The following GPC6 variants were observed in gnomAD, a reference collection of about 807,000 sequenced individuals.
GPC6 encodes glypican 6, also known as glypican-6.
Under a neutral mutation model 55.2 loss-of-function variants are expected in GPC6, and 14 were observed. The ratio of observed to expected loss-of-function variants is 0.25; its 90% confidence interval spans 0.17 to 0.40. The LOEUF (loss-of-function observed/expected upper bound fraction) is 0.40. GPC6 is among the 10% of genes least tolerant of loss of function. The probability of loss-of-function intolerance (pLI) is 1.00; values close to 1 mark genes in which losing one functional copy is unlikely to be tolerated. For missense variants in GPC6, 641 were observed against 708.5 expected, an observed-to-expected ratio of 0.90 and a Z score of 1.08; for synonymous variants, 278 against 259.6, an observed-to-expected ratio of 1.07 and a Z score of -0.68.
chr13:93,738,254 T>G (rs532376944), intron 2 of GPC6, among the ~76,000 whole-genome samples: 6 of 152,306 alleles, frequency 3.9e-5, no homozygotes, highest in African/African-American at 1.4e-4. Context: ...ATTTTTCATA[T>G]GTTAGCTTTT....
At chr13:93,501,158 G>A (rs1346304736) in intron 1 of GPC6, among the ~76,000 whole-genome samples, 4 of 152,084 alleles carry the variant, frequency 2.6e-5, no homozygotes, top group Non-Finnish European at 4.4e-5. Context: ...TTTAATTAAG[G>A]AGGATTGCTA....
chr13:94,036,990 G>C (rs1490317205), intron 4 of GPC6, among the ~76,000 whole-genome samples: 1 of 151,906 alleles, frequency 6.6e-6, no homozygotes, highest in African/African-American at 2.4e-5. Flanking sequence ...TAAAATAGTT[G>C]AGTGTTCCAA....
At chr13:93,555,774 A>G (rs1008036091) in intron 2 of GPC6, among the ~76,000 whole-genome samples, 2 of 152,198 alleles carry the variant, frequency 1.3e-5, no homozygotes, top group Non-Finnish European at 2.9e-5. Context: ...TTCCTGGAGA[A>G]TCAGTTAATA....
At chr13:93,418,003 A>T (rs1199608899) in intron 1 of GPC6, among the ~76,000 whole-genome samples, 1 of 152,096 alleles carries the variant, frequency 6.6e-6, no homozygotes, top group East Asian at 1.9e-4. Context: ...TCGATACTTT[A>T]CTTGTCAAAC....
At chr13:93,899,534 A>C (rs1417739282) in intron 3 of GPC6, among the ~76,000 whole-genome samples, 2 of 152,102 alleles carry the variant, frequency 1.3e-5, no homozygotes, top group East Asian at 3.9e-4. Context: ...GGACATCAGC[A>C]ATATGGTATA....
chr13:93,934,316 T>C (rs905291459), intron 3 of GPC6, among the ~76,000 whole-genome samples: 15 of 152,206 alleles, frequency 9.9e-5, no homozygotes, highest in African/African-American at 3.1e-4. Context: ...GAAAAAAGAA[T>C]ATAAGGTATC....
At chr13:94,299,978 A>G (rs1039354668) in intron 5 of GPC6, among the ~76,000 whole-genome samples, 4 of 152,216 alleles carry the variant, frequency 2.6e-5, no homozygotes, top group Non-Finnish European at 5.9e-5. Context: ...CTCATAGGTA[A>G]ATAAAACATT....
At chr13:93,400,093 A>C (rs2762107) in intron 1 of GPC6, among the ~76,000 whole-genome samples, 22,918 of 152,136 alleles carry the variant, frequency 0.15, 1,847 homozygotes, top group Middle Eastern at 0.17. Flanking sequence ...TGCAGGTCTT[A>C]AAGTGGTTGA....
In GPC6 at chr13:94,259,893, C is replaced by G. The variant is rs536157680; in HGVS notation, c.878-26456C>G. Among the ~76,000 whole-genome samples, 5 of 152,132 alleles carry G rather than the reference C, an allele frequency of 3.3e-5. No homozygotes were observed. In the East Asian group the frequency reaches 9.7e-4, roughly 29 times the overall value. On this transcript the variant is annotated intron_variant, in intron 4 of 8. Coordinates refer to ENST00000377047, the MANE Select transcript of GPC6 (RefSeq NM_005708.5). ...TCTATTGTGTGTATACACACATGCACACACACACATACACACACACACGCA... is the reference window on the plus strand; with the variant it reads ...TCTATTGTGTGTATACACACATGCAGACACACACATACACACACACACGCA...
chr13:94,118,992 ATGTATG>A (rs1320530917), intron 4 of GPC6, among the ~76,000 whole-genome samples: 3 of 37,868 alleles, frequency 7.9e-5, no homozygotes, highest in African/African-American at 1.6e-4. Flanking sequence ...TATATACATT[ATGTATG>A]TGTGTGTGTG....
chr13:94,093,790 G>A (rs1885575561), intron 4 of GPC6, among the ~76,000 whole-genome samples: 1 of 151,990 alleles, frequency 6.6e-6, no homozygotes, highest in South Asian at 2.1e-4. Context: ...ATTGTTTGAT[G>A]ACCTGATGGC....
At chr13:93,647,856 C>G (rs962026383) in intron 2 of GPC6, among the ~76,000 whole-genome samples, 5 of 152,126 alleles carry the variant, frequency 3.3e-5, no homozygotes, top group African/African-American at 1.2e-4. Context: ...TCCTGAGAGA[C>G]CATGTCATGA....
intron 2 of GPC6, among the ~76,000 whole-genome samples, chr13:93,583,077 C>T (rs771843963): frequency 3.3e-5 from 5 of 152,192 alleles, no homozygotes; most frequent in Non-Finnish European, 7.3e-5. Flanking sequence ...AAGAGCACCC[C>T]AGATAGCTAA....
At chr13:93,709,818 G>C (rs1331836550) in intron 2 of GPC6, among the ~76,000 whole-genome samples, 1 of 151,742 alleles carries the variant, frequency 6.6e-6, no homozygotes, top group East Asian at 1.9e-4. Flanking sequence ...TTAATTGACA[G>C]AGAAAAGATT....
chr13:93,684,781 A>G lies in GPC6; in HGVS notation c.319+139360A>G, dbSNP rs564706132. Reference sequence around the variant, plus strand: ...CAAAATACTCTAAATGTTAAAAAAAAGAAGGATAGCATTTAAAACTCTTAA... The same window carrying G: ...CAAAATACTCTAAATGTTAAAAAAAGGAAGGATAGCATTTAAAACTCTTAA... On this transcript the variant is annotated intron_variant, in intron 2 of 8. Transcript: ENST00000377047. Among the ~76,000 whole-genome samples the G allele has an allele frequency of 3.9e-5, 6 of 152,330 alleles. No homozygotes were observed. The East Asian group carries it at 9.6e-4, about 24-fold the overall frequency.
chr13:93,610,256 T>C (rs2139538361), intron 2 of GPC6, among the ~76,000 whole-genome samples: 1 of 152,336 alleles, frequency 6.6e-6, no homozygotes, highest in African/African-American at 2.4e-5. Context: ...AAGCTAGAAG[T>C]TGTTTTAAAA....
intron 2 of GPC6, among the ~76,000 whole-genome samples, chr13:93,641,448 C>T (rs1879935259): frequency 2.6e-5 from 4 of 152,124 alleles, no homozygotes; most frequent in Admixed American, 2.6e-4. Context: ...CTTTTGGCAA[C>T]ATGCTTAACA....
At chr13:93,631,439 C>T (rs759894748) in intron 2 of GPC6, among the ~76,000 whole-genome samples, 7 of 152,150 alleles carry the variant, frequency 4.6e-5, no homozygotes, top group Non-Finnish European at 1.0e-4. Flanking sequence ...GACATGTTGA[C>T]TTTCGACTTC....
At chr13:94,228,352 T>C (rs1890619142) in intron 4 of GPC6, among the ~76,000 whole-genome samples, 1 of 152,140 alleles carries the variant, frequency 6.6e-6, no homozygotes, top group Non-Finnish European at 1.5e-5. Flanking sequence ...TTAACACAAA[T>C]ACATGTATTT....
Sources: allele counts gnomAD v4.1 joint callset (sites outside exome capture counted in the v4.1 genomes callset), GRCh38; gene constraint gnomAD v4.1.1; transcripts MANE v1.5; gene names NCBI Gene and HGNC (gene_info 2026-07-23, HGNC 2026-07-21).